Variants in SSBP2 observed in about 807,000 individuals in gnomAD.
SSBP2 encodes the protein single-stranded DNA-binding protein 2.
A neutral mutation model predicts 61.8 loss-of-function variants in SSBP2; 17 were observed. That is an observed-to-expected ratio of 0.28 (90% CI 0.19 to 0.41). The LOEUF (loss-of-function observed/expected upper bound fraction) is 0.41, where lower values mean the gene tolerates loss of function less well. Among genes scored for constraint, SSBP2 ranks in the 10% least tolerant of loss-of-function variants. SSBP2 has a pLI of 1.00. For synonymous variants in SSBP2, 139 were observed against 141.3 expected (o/e 0.98, Z 0.12); for missense variants, 310 against 458.7 (o/e 0.68, Z 2.96).
At chr5:81,723,819 T>C (rs1755700778) in intron 1 of SSBP2, among the ~76,000 whole-genome samples, 1 of 151,928 alleles carries the variant, frequency 6.6e-6, no homozygotes, top group Non-Finnish European at 1.5e-5. Flanking sequence ...ACAGGGACAA[T>C]ATTATAGACT....
rs149107337 is a variant in SSBP2 at position 81,580,062 on chromosome 5, G to A, written c.282+35411C>T. Among the ~76,000 whole-genome samples, 229 of 152,068 alleles carry A rather than the reference G, an allele frequency of 1.5e-3. 1 individual carries two copies. Among genetic ancestry groups the A allele is most frequent in the Non-Finnish European group, 2.7e-3 (183 of 67,926 alleles). The stretch of plus-strand genomic sequence containing the variant: ...CTATTTCAATGGGCCTTGCAGAAAG[G>A]TTCCATAAAACAAAAATTACCATCT... On this transcript the variant is annotated intron_variant, in intron 4 of 16. Transcript: ENST00000320672.
chr5:81,735,021 T>C (rs1756508888), intron 1 of SSBP2, among the ~76,000 whole-genome samples: 2 of 148,606 alleles, frequency 1.3e-5, no homozygotes, highest in South Asian at 4.3e-4. Context: ...TTGACCTGCA[T>C]ATGCTCCTCA....
At chr5:81,553,634 T>C (rs921128430) in intron 4 of SSBP2, among the ~76,000 whole-genome samples, 3 of 152,092 alleles carry the variant, frequency 2.0e-5, no homozygotes, top group Admixed American at 6.6e-5. Flanking sequence ...CATCAAAATA[T>C]ACATATTGCT....
intron 4 of SSBP2, among the ~76,000 whole-genome samples, chr5:81,610,956 T>C (rs867485351): frequency 1.3e-5 from 2 of 152,298 alleles, no homozygotes; most frequent in African/African-American, 2.4e-5. Context: ...ATCACACCAT[T>C]GCACTCCAGC....
At chr5:81,432,985 G>A (rs1182626330) in intron 15 of SSBP2, among the ~76,000 whole-genome samples, 1 of 150,288 alleles carries the variant, frequency 6.7e-6, no homozygotes, top group African/African-American at 2.5e-5. Flanking sequence ...AGGGAGGTGG[G>A]GGGGGTCAGA....
At chr5:81,568,514 G>A (rs575939446) in intron 4 of SSBP2, among the ~76,000 whole-genome samples, 1 of 152,170 alleles carries the variant, frequency 6.6e-6, no homozygotes, top group African/African-American at 2.4e-5. Context: ...GCATGAAAAC[G>A]GACTAATATA....
intron 4 of SSBP2, among the ~76,000 whole-genome samples, chr5:81,604,377 T>C (rs1744674260): frequency 1.3e-5 from 2 of 151,980 alleles, no homozygotes; most frequent in African/African-American, 2.4e-5. Flanking sequence ...TTACACTCAC[T>C]CTTATCACAT....
intron 16 of SSBP2, among the ~76,000 whole-genome samples, chr5:81,423,740 G>A (rs571790656): frequency 2.1e-4 from 32 of 150,442 alleles, no homozygotes; most frequent in Admixed American, 8.6e-4. Context: ...GCAAGACTCC[G>A]TCTCAAAAAA....
At chr5:81,573,863 A>T (rs1012527478) in intron 4 of SSBP2, among the ~76,000 whole-genome samples, 3 of 152,156 alleles carry the variant, frequency 2.0e-5, no homozygotes, top group Admixed American at 6.6e-5. Context: ...ATGCTTGACC[A>T]GGCGCAGTGG....
intron 1 of SSBP2, among the ~76,000 whole-genome samples, chr5:81,672,573 C>CTT (rs765466355): frequency 2.9e-5 from 4 of 138,684 alleles, no homozygotes; most frequent in Non-Finnish European, 4.7e-5. Context: ...GATACTTTTT[C>CTT]TTTTTTTTTT....
chr5:81,665,447 GAT>G (rs749479250), intron 1 of SSBP2, among the ~76,000 whole-genome samples: 3 of 152,136 alleles, frequency 2.0e-5, no homozygotes, highest in Non-Finnish European at 2.9e-5. Flanking sequence ...AGAAGCCTCA[GAT>G]ATAGACAACG....
In SSBP2 at chr5:81,505,097, T is replaced by C. The variant is rs76232847; in HGVS notation, c.372+8531A>G. 7.8e-3 allele frequency among the ~76,000 whole-genome samples: 1,190 copies of C among 152,334 alleles called. 23 individuals are homozygous for C. The highest frequency in any genetic ancestry group is 0.027 in the African/African-American group (1,133 of 41,582). On this transcript the variant is annotated intron_variant, in intron 5 of 16. Coordinates refer to ENST00000320672, the MANE Select transcript of SSBP2 (RefSeq NM_012446.5). ...TAGGCTACCTTTTATCACATTCATGTAGAACAGAAGTAGGCAAATTATGGC... is the reference window on the plus strand; with the variant it reads ...TAGGCTACCTTTTATCACATTCATGCAGAACAGAAGTAGGCAAATTATGGC...
chr5:81,434,153 G>A (rs1368600558), intron 15 of SSBP2, among the ~76,000 whole-genome samples: 2 of 152,082 alleles, frequency 1.3e-5, no homozygotes, highest in African/African-American at 4.8e-5. Flanking sequence ...TCTCAATTCA[G>A]TACTCTTTAT....
chr5:81,423,580 T>TA (rs1761749127), intron 16 of SSBP2, among the ~76,000 whole-genome samples: 1 of 151,792 alleles, frequency 6.6e-6, no homozygotes, highest in Non-Finnish European at 1.5e-5. Flanking sequence ...CTGTCTCTAC[T>TA]AAAAAATACA....
intron 3 of SSBP2, among the ~76,000 whole-genome samples, chr5:81,632,167 TTTC>T (rs1265492877): frequency 6.6e-6 from 1 of 152,246 alleles, no homozygotes; most frequent in Admixed American, 6.5e-5. Flanking sequence ...GTCTTACGCA[TTTC>T]TTTTGTCATT....
chr5:81,740,602 T>G (rs1756949938), intron 1 of SSBP2, among the ~76,000 whole-genome samples: 1 of 152,190 alleles, frequency 6.6e-6, no homozygotes, highest in Non-Finnish European at 1.5e-5. Context: ...ATACGCTGCT[T>G]GGAAGAGACA....
chr5:81,498,175 C>T (rs1767432430), intron 5 of SSBP2, among the ~76,000 whole-genome samples: 1 of 152,040 alleles, frequency 6.6e-6, no homozygotes, highest in Non-Finnish European at 1.5e-5. Flanking sequence ...TTCTTAATAT[C>T]ATATTGTCTT....
At chr5:81,487,615 AT>A (rs1561458468) in intron 6 of SSBP2, among the ~76,000 whole-genome samples, 1 of 151,958 alleles carries the variant, frequency 6.6e-6, no homozygotes, top group African/African-American at 2.4e-5. Context: ...ATTAAACTTT[AT>A]TTTTTAAAAA....
intron 1 of SSBP2, among the ~76,000 whole-genome samples, chr5:81,749,865 A>T (rs559288375): frequency 7.2e-5 from 11 of 152,140 alleles, no homozygotes; most frequent in African/African-American, 2.4e-4. Context: ...ACCGAAGTTA[A>T]CACCTGTATC....
Sources: gnomAD v4.1 joint callset for allele counts (sites outside exome capture counted in the v4.1 genomes callset) on GRCh38, gnomAD v4.1.1 for gene constraint, MANE v1.5 for transcripts, NCBI Gene and HGNC (gene_info 2026-07-23, HGNC 2026-07-21) for gene names.